Variants in SVEP1 observed in about 807,000 individuals in gnomAD.
SVEP1 encodes the protein sushi, von Willebrand factor type A, EGF and pentraxin domain containing 1.
A neutral mutation model predicts 367.3 loss-of-function variants in SVEP1; 164 were observed. The observed-to-expected ratio is 0.45, with a 90% CI of 0.39 to 0.51. SVEP1 has a LOEUF of 0.51. SVEP1 is among the 20% of genes least tolerant of loss of function. SVEP1 has a pLI of 0.00. For missense variants in SVEP1, 4,117 were observed against 4,425.3 expected (o/e 0.93, Z 1.98); for synonymous variants, 1,666 against 1,611.6 (o/e 1.03, Z -0.81).
rs80266210 is a variant in SVEP1 at position 110,449,989 on chromosome 9, T to C, written c.4103+70A>G. On this transcript the variant is annotated intron_variant, in intron 24 of 47. Transcript: ENST00000374469. ...ACTTGAGACTCAAAGCAATACTCCATAAAGGCTGCAGAATCACTGAATAGT... is the reference window on the plus strand; with the variant it reads ...ACTTGAGACTCAAAGCAATACTCCACAAAGGCTGCAGAATCACTGAATAGT... 1.1e-3 allele frequency: 1,673 copies of C among 1,548,980 alleles called. 33 individuals are homozygous for C. The East Asian group carries it at 0.035, about 33-fold the overall frequency.
At chr9:110,371,135 A>C (rs1214414908) in intron 46 of SVEP1, among the ~76,000 whole-genome samples, 1 of 152,240 alleles carries the variant, frequency 6.6e-6, no homozygotes, top group Non-Finnish European at 1.5e-5. Context: ...GCTGGCCAGC[A>C]GAATACACTT....
At chr9:110,427,395 A>G (rs1044601168) in intron 36 of SVEP1, among the ~76,000 whole-genome samples, 196 bp downstream of exon 36, 11 of 151,572 alleles carry the variant, frequency 7.3e-5, no homozygotes, top group Non-Finnish European at 5.9e-5. Flanking sequence ...TTGATATACT[A>G]CTCAAATTCC....
chr9:110,561,635 G>T (rs1830428725), intron 1 of SVEP1, among the ~76,000 whole-genome samples: 1 of 152,094 alleles, frequency 6.6e-6, no homozygotes, highest in Non-Finnish European at 1.5e-5. Flanking sequence ...TCCATATTGA[G>T]CATCTATCAT....
intron 36 of SVEP1, 91 bp downstream of exon 36, chr9:110,427,500 A>G: frequency 1.4e-6 from 2 of 1,455,394 alleles, no homozygotes; most frequent in Non-Finnish European, 1.8e-6. Flanking sequence ...CCAGGAAATT[A>G]AATTTCGTGT....
intron 8 of SVEP1, among the ~76,000 whole-genome samples, chr9:110,491,904 T>A (rs1474597143): frequency 6.6e-6 from 1 of 152,142 alleles, no homozygotes; most frequent in Non-Finnish European, 1.5e-5. Context: ...GGACTCTTGA[T>A]GTACCAAAGT....
intron 40 of SVEP1, among the ~76,000 whole-genome samples, chr9:110,392,133 T>TTATATATATATATATATATATATATATA (rs35109985): frequency 4.9e-4 from 49 of 99,554 alleles, no homozygotes; most frequent in Non-Finnish European, 6.0e-4. Context: ...CAATTCCTCA[T>TTATATATATATATATATATATATATATA]TATATATATA....
In SVEP1 at chr9:110,410,320, C is replaced by T. The variant is rs992139879; in HGVS notation, c.6648+743G>A. Among the ~76,000 whole-genome samples, 16 of 152,120 alleles carry T rather than the reference C, an allele frequency of 1.1e-4. No homozygotes were observed. The East Asian group carries it at 1.2e-3, about 11-fold the overall frequency. ...GGCTTATTGAGAAGACACACATTAGCGTGAAAGCAGGACATATTTGGGTTG... is the reference window on the plus strand; with the variant it reads ...GGCTTATTGAGAAGACACACATTAGTGTGAAAGCAGGACATATTTGGGTTG... On this transcript the variant is annotated intron_variant, in intron 37 of 47. Coordinates refer to ENST00000374469, the MANE Select transcript of SVEP1 (RefSeq NM_153366.4).
intron 8 of SVEP1, among the ~76,000 whole-genome samples, chr9:110,492,070 A>G (rs184387585): frequency 1.3e-5 from 2 of 151,916 alleles, no homozygotes; most frequent in East Asian, 3.9e-4. Context: ...GCTAGTCTGG[A>G]AATAAAAGAT....
chr9:110,411,488 T>A lies in SVEP1; in HGVS notation c.6223A>T (p.Met2075Leu), dbSNP rs371598910. The A allele has an allele frequency of 4.3e-6, 7 of 1,614,058 alleles. No individual in the cohort carries two copies. The Admixed American group carries it at 8.3e-5, about 19-fold the overall frequency. ...CAGAAATGAGCTATACAACGGGGCA[T>A]GTCTTGACCTTCTGGGGGTACCCAC... ...GKWVPPEGQD[M>L]PRCIAHFCEK... The change falls in exon 37 of 48, where the codon ATG becomes TTG. Residue 2075 changes from methionine (M) to leucine (L), a missense_variant. By Grantham distance (15) the Met-to-Leu change is conservative. Around this residue, in one of 4 missense-constraint regions of SVEP1, gnomAD observed 2,174 missense variants for 2,494.3 expected, o/e 0.87. Transcript: ENST00000374469.
chr9:110,516,994 T>C (rs1200248633), intron 3 of SVEP1, among the ~76,000 whole-genome samples: 2 of 152,140 alleles, frequency 1.3e-5, no homozygotes, highest in African/African-American at 2.4e-5. Flanking sequence ...GAAAATCAGA[T>C]TGATATTTCA....
At chr9:110,496,034 CAAT>C (rs1165853796) in intron 8 of SVEP1, among the ~76,000 whole-genome samples, 1 of 152,120 alleles carries the variant, frequency 6.6e-6, no homozygotes, top group Non-Finnish European at 1.5e-5. Flanking sequence ...TTAGTGGCTA[CAAT>C]AATACAACAA....
At chr9:110,568,503 TATG>T (rs1353311345) in intron 1 of SVEP1, among the ~76,000 whole-genome samples, 4 of 152,166 alleles carry the variant, frequency 2.6e-5, no homozygotes, top group African/African-American at 9.7e-5. Flanking sequence ...GCTCTGGAAA[TATG>T]ATGCCAGTTT....
intron 40 of SVEP1, among the ~76,000 whole-genome samples, chr9:110,399,002 C>T (rs1827814524): frequency 1.3e-5 from 2 of 152,098 alleles, no homozygotes; most frequent in South Asian, 2.1e-4. Context: ...TGGGTATATA[C>T]CCAAAGGATT....
intron 1 of SVEP1, among the ~76,000 whole-genome samples, chr9:110,558,267 C>A (rs1830378600): frequency 7.0e-6 from 1 of 141,980 alleles, no homozygotes; most frequent in African/African-American, 2.6e-5. Context: ...AGCACTGAGG[C>A]AGGCAGATTG....
intron 29 of SVEP1, 36 bp from the exon 30 acceptor site, chr9:110,434,542 C>A: frequency 6.3e-7 from 1 of 1,596,106 alleles, no homozygotes; most frequent in Non-Finnish European, 8.6e-7. Context: ...AGCTTGTCAG[C>A]GGCATAGTGG....
At chr9:110,574,596 C>G (rs1377079942) in intron 1 of SVEP1, among the ~76,000 whole-genome samples, 1 of 152,148 alleles carries the variant, frequency 6.6e-6, no homozygotes, top group Admixed American at 6.6e-5. Flanking sequence ...CAACCAACAC[C>G]ATTTCTAAAT....
At chr9:110,496,791 T>C (rs1374396578) in intron 8 of SVEP1, 24 bp downstream of exon 8, 2 of 1,476,190 alleles carry the variant, frequency 1.4e-6, no homozygotes, top group South Asian at 2.4e-5. Context: ...TTGAAAAGGA[T>C]GCACATAATT....
intron 2 of SVEP1, among the ~76,000 whole-genome samples, chr9:110,547,134 A>C (rs1007091729): frequency 6.6e-6 from 1 of 152,152 alleles, no homozygotes; most frequent in Non-Finnish European, 1.5e-5. Context: ...TGGTAGACTC[A>C]AATATAGAAC....
chr9:110,489,821 GTGCGTTTAT>G, intron 8 of SVEP1, 42 bp from the exon 9 acceptor site: 1 of 1,576,552 alleles, frequency 6.3e-7, no homozygotes, highest in Non-Finnish European at 8.6e-7. Flanking sequence ...AATGTCAAAA[GTGCGTTTAT>G]TCTTTTCTGA....
Sources: gnomAD v4.1 joint callset for allele counts (sites outside exome capture counted in the v4.1 genomes callset) on GRCh38, gnomAD v4.1.1 for gene constraint, gnomAD v4.1.1 regional missense constraint, MANE v1.5 for transcripts, NCBI Gene and HGNC (gene_info 2026-07-23, HGNC 2026-07-21) for gene names.